Variants in TECR observed in about 807,000 individuals in gnomAD.
TECR encodes very-long-chain enoyl-CoA reductase.
Under a neutral mutation model 50.6 loss-of-function variants are expected in TECR, and 19 were observed. The observed-to-expected ratio is 0.38, with a 90% CI of 0.26 to 0.55. The LOEUF (loss-of-function observed/expected upper bound fraction) is 0.55, where lower values mean the gene tolerates loss of function less well. TECR is among the 20% of genes least tolerant of loss of function. The pLI is 0.79. For missense variants in TECR, 313 were observed against 408.3 expected (o/e 0.77, Z 2.01); for synonymous variants, 168 against 163.5 (o/e 1.03, Z -0.21).
At chr19:14,543,912 A>G (rs2073213976) in intron 1 of TECR, among the ~76,000 whole-genome samples, 3 of 149,046 alleles carry the variant, frequency 2.0e-5, no homozygotes, top group Non-Finnish European at 4.4e-5. Context: ...TTATTTTTGT[A>G]TTTTTAGTAG....
intron 1 of TECR, chr19:14,562,036 G>A (rs1056624391): frequency 2.9e-5 from 9 of 306,108 alleles, no homozygotes; most frequent in Admixed American, 4.6e-5. Flanking sequence ...TGCTGGTGCC[G>A]TTGAGGGTTT....
intron 1 of TECR, among the ~76,000 whole-genome samples, chr19:14,538,828 G>A (rs2072996956): frequency 6.6e-6 from 1 of 152,012 alleles, no homozygotes; most frequent in African/African-American, 2.4e-5. Flanking sequence ...ACCACGCCTG[G>A]CTGAGAAAAG....
chr19:14,562,312 G>T, intron 1 of TECR: 4 of 646,372 alleles, frequency 6.2e-6, no homozygotes, highest in Non-Finnish European at 8.4e-6. Context: ...CCGTGGGGAG[G>T]TCGGTGGTGG....
At chr19:14,529,753 C>T (rs751668259) in intron 1 of TECR, 42 bp downstream of exon 1, 4 of 1,613,824 alleles carry the variant, frequency 2.5e-6, no homozygotes, top group African/African-American at 2.7e-5. Context: ...ACTGCTGACC[C>T]ATTCTTTTTC....
At chr19:14,529,989 C>T (rs2072563032) in intron 1 of TECR, 1 of 551,900 alleles carries the variant, frequency 1.8e-6, no homozygotes, top group Admixed American at 3.1e-5. Flanking sequence ...TTGCAGCTCC[C>T]CCAGCGGGCT....
chr19:14,528,710 C>T (rs2072497809), upstream of TECR, among the ~76,000 whole-genome samples: 2 of 151,510 alleles, frequency 1.3e-5, no homozygotes, highest in Admixed American at 1.3e-4. Flanking sequence ...GAGGCTGAGG[C>T]GGGAGGATCA....
chr19:14,539,635 T>C (rs1208974516), intron 1 of TECR, among the ~76,000 whole-genome samples: 5 of 152,110 alleles, frequency 3.3e-5, no homozygotes, highest in African/African-American at 1.2e-4. Context: ...GTTACTATGC[T>C]ACTGTCTTTC....
rs77331142 is a variant in TECR at position 14,556,165 on chromosome 19, C to T, written c.16-6360C>T. Reference sequence around the variant, plus strand: ...CACTCTCTCCCTGACTCACTCTGCTCAGGCCACACAGGACTCCTTCCTGCT... The same window carrying T: ...CACTCTCTCCCTGACTCACTCTGCTTAGGCCACACAGGACTCCTTCCTGCT... On this transcript the variant is annotated intron_variant, in intron 1 of 12. Transcript: ENST00000215567. Among the ~76,000 whole-genome samples, 58 of 152,314 alleles carry T rather than the reference C, an allele frequency of 3.8e-4. 1 individual carries two copies. The highest frequency in any genetic ancestry group is 1.3e-3 in the African/African-American group (52 of 41,578).
chr19:14,547,693 C>G (rs1241079136), intron 1 of TECR, among the ~76,000 whole-genome samples: 2 of 144,864 alleles, frequency 1.4e-5, no homozygotes, highest in African/African-American at 5.2e-5. Context: ...GGGTCTCATT[C>G]TGTCACCCAG....
At position 14,563,534 on chromosome 19, in the gene TECR, A is replaced by G; in HGVS notation, c.119-124A>G. 7.8e-7 allele frequency: 1 copy of G among 1,282,660 alleles called. No individual in the cohort carries two copies. The highest frequency in any genetic ancestry group is 1.8e-5 in the Admixed American group (1 of 54,934). The allele number at this position is 1,282,660 out of a possible 1,614,324, so 79.5% of individuals were successfully genotyped here. A position where few individuals can be genotyped will look rare whatever the true frequency, so the allele number is the denominator to read the frequency against. On this transcript the variant is annotated intron_variant, in intron 3 of 12. Coordinates refer to ENST00000215567, the MANE Select transcript of TECR (RefSeq NM_138501.6). This position sits in a 1 kb window ranked among gnomAD's most constrained non-coding sequence, Gnocchi z 5.3. ...GCCTGAGGGTTTGCCCCCAGGTGGGAGGAGCTGTGGAGTCCTGGGGTCCTT... is the reference window on the plus strand; with the variant it reads ...GCCTGAGGGTTTGCCCCCAGGTGGGGGGAGCTGTGGAGTCCTGGGGTCCTT...
intron 1 of TECR, 31 bp from the exon 2 acceptor site, chr19:14,562,494 G>T: frequency 6.2e-7 from 1 of 1,614,160 alleles, no homozygotes; most frequent in Non-Finnish European, 8.5e-7. Context: ...AGGTGGCCAA[G>T]AAACCTAAAA....
intron 1 of TECR, among the ~76,000 whole-genome samples, chr19:14,542,374 T>TTTTTTTTTTTTC (rs1469315066): frequency 8.5e-6 from 1 of 117,182 alleles, no homozygotes; most frequent in African/African-American, 3.3e-5. Context: ...TTTTTTTTTT[T>TTTTTTTTTTTTC]TTCTGAGATG....
chr19:14,560,342 G>T (rs1247874283), intron 1 of TECR, among the ~76,000 whole-genome samples: 1 of 152,160 alleles, frequency 6.6e-6, no homozygotes, highest in African/African-American at 2.4e-5. Flanking sequence ...CCCTGTGGAC[G>T]CTAGGCTGCC....
intron 1 of TECR, among the ~76,000 whole-genome samples, chr19:14,554,791 T>A (rs1240902424): frequency 1.3e-5 from 2 of 152,012 alleles, no homozygotes; most frequent in Non-Finnish European, 2.9e-5. Flanking sequence ...TTGTGCTTTT[T>A]TTTTTTGAGA....
upstream of TECR, among the ~76,000 whole-genome samples, chr19:14,528,150 CTGGGATTACAGGTG>C (rs2072473118): frequency 6.6e-6 from 1 of 152,074 alleles, no homozygotes; most frequent in Non-Finnish European, 1.5e-5. Flanking sequence ...TCCCGAAGTG[CTGGGATTACAGGTG>C]TGAGCCACCG....
At chr19:14,549,211 C>CTTTTTTTTTTTTT (rs561284094) in intron 1 of TECR, among the ~76,000 whole-genome samples, 1 of 111,162 alleles carries the variant, frequency 9.0e-6, no homozygotes, top group Non-Finnish European at 1.8e-5. Context: ...TTTAATTGGA[C>CTTTTTTTTTTTTT]TTTTTTTTTT....
intron 1 of TECR, among the ~76,000 whole-genome samples, chr19:14,548,849 A>G (rs1057350061): frequency 6.6e-6 from 1 of 152,068 alleles, no homozygotes; most frequent in Non-Finnish European, 1.5e-5. Flanking sequence ...TGCTGTGATT[A>G]CAGGCGGGAG....
At chr19:14,543,405 ATATATATATATATATTTTTTTTTTT>A (rs1366640039) in intron 1 of TECR, among the ~76,000 whole-genome samples, 505 of 19,476 alleles carry the variant, frequency 0.026, 11 homozygotes, top group South Asian at 0.073. Context: ...ATATATATAT[ATATATATATATATATTTTTTTTTTT>A]TTTTTTTTTT....
chr19:14,529,204 G>T (rs950228770), upstream of TECR: 1 of 239,104 alleles, frequency 4.2e-6, no homozygotes, highest in South Asian at 4.5e-5. Flanking sequence ...CCCGGGGGCC[G>T]CCCACCTCAG....
Sources: gnomAD v4.1 joint callset for allele counts (sites outside exome capture counted in the v4.1 genomes callset) on GRCh38, gnomAD v4.1.1 for gene constraint, Gnocchi (gnomAD v3.1) non-coding constraint, MANE v1.5 for transcripts, NCBI Gene and HGNC (gene_info 2026-07-23, HGNC 2026-07-21) for gene names.